DGKI: variants seen among roughly 807,000 people sequenced by gnomAD.
The protein encoded by DGKI is diacylglycerol kinase iota, also known as DAG kinase iota.
Under a neutral mutation model 147.5 loss-of-function variants are expected in DGKI, and 55 were observed. The ratio of observed to expected loss-of-function variants is 0.37; its 90% CI spans 0.30 to 0.47. The LOEUF (loss-of-function observed/expected upper bound fraction) is 0.47. Ranked by LOEUF, DGKI falls within the 20% of genes least tolerant of loss-of-function variation. The pLI is 1.00. For synonymous variants in DGKI, 469 were observed against 477.1 expected (o/e 0.98, Z 0.22); for missense variants, 1,007 against 1,323.8 (o/e 0.76, Z 3.71).
At chr7:137,742,724 G>GA (rs1159384047) in intron 1 of DGKI, among the ~76,000 whole-genome samples, 1 of 148,544 alleles carries the variant, frequency 6.7e-6, no homozygotes, top group Non-Finnish European at 1.5e-5. Context: ...AGCTACCGGG[G>GA]GAAAAAAAAT....
chr7:137,525,592 T>C (rs1406380507), intron 20 of DGKI, among the ~76,000 whole-genome samples: 1 of 152,190 alleles, frequency 6.6e-6, no homozygotes, highest in Non-Finnish European at 1.5e-5. Context: ...CAGGAAACTC[T>C]ATGCTTCATT....
chr7:137,764,620 C>G (rs1482087504), intron 1 of DGKI, among the ~76,000 whole-genome samples: 1 of 152,204 alleles, frequency 6.6e-6, no homozygotes, highest in Non-Finnish European at 1.5e-5. Flanking sequence ...TGACAGTGCT[C>G]TTCGGCAGTA....
At chr7:137,542,394 A>T (rs11978861) in intron 20 of DGKI, among the ~76,000 whole-genome samples, 60,497 of 152,120 alleles carry the variant, frequency 0.4, 15,727 homozygotes, top group Non-Finnish European at 0.58. Context: ...TGGGTAAACA[A>T]GCTAAAACAT....
chr7:137,839,617 A>G (rs539739886), intron 1 of DGKI, among the ~76,000 whole-genome samples: 4 of 152,358 alleles, frequency 2.6e-5, no homozygotes, highest in African/African-American at 9.6e-5. Flanking sequence ...CAGCAGGCAG[A>G]GGTGGCGCTT....
intron 21 of DGKI, among the ~76,000 whole-genome samples, chr7:137,490,346 T>A (rs1815719217): frequency 6.6e-6 from 1 of 152,206 alleles, no homozygotes; most frequent in Admixed American, 6.5e-5. Context: ...ACAGGATTTT[T>A]GTAAAGACTC....
chr7:137,575,043 G>A (rs1039288347), intron 17 of DGKI, among the ~76,000 whole-genome samples: 2 of 152,116 alleles, frequency 1.3e-5, no homozygotes, highest in African/African-American at 2.4e-5. Flanking sequence ...GTATCCTTGT[G>A]TCTCTCTATG....
chr7:137,846,433 T>C lies in DGKI; in HGVS notation c.401+29A>G, dbSNP rs763075697. Reference sequence around the variant, plus strand: ...AGTGGGTCTCCCGCCGCGGCGCACCTGTCTCGGCTGCCGGCTCCCCGCACC... The same window carrying C: ...AGTGGGTCTCCCGCCGCGGCGCACCCGTCTCGGCTGCCGGCTCCCCGCACC... On this transcript the variant is annotated intron_variant, in intron 1 of 32. Transcript: ENST00000614521. The surrounding 1 kb of genome is among the most constrained non-coding windows in gnomAD (Gnocchi z 4.0). 4.6e-6 allele frequency: 7 copies of C among 1,525,222 alleles called. No individual in the cohort carries two copies. The highest frequency in any genetic ancestry group is 3.4e-5 in the South Asian group (3 of 89,256). 94.5% of individuals were successfully genotyped at this position (1,525,222 alleles called of 1,614,324 possible).
At chr7:137,481,824 C>A (rs536628377) in intron 23 of DGKI, among the ~76,000 whole-genome samples, 5 of 152,110 alleles carry the variant, frequency 3.3e-5, no homozygotes, top group African/African-American at 1.2e-4. Flanking sequence ...TCAGCTAAAA[C>A]CCTAGCTGCA....
At chr7:137,731,057 C>A (rs1024104195) in intron 1 of DGKI, among the ~76,000 whole-genome samples, 1 of 152,026 alleles carries the variant, frequency 6.6e-6, no homozygotes, top group Non-Finnish European at 1.5e-5. Context: ...GGCCCTCCTG[C>A]TATTCCTTTT....
At chr7:137,793,546 C>T (rs1396931628) in intron 1 of DGKI, among the ~76,000 whole-genome samples, 1 of 152,112 alleles carries the variant, frequency 6.6e-6, no homozygotes, top group African/African-American at 2.4e-5. Flanking sequence ...GGTGATCCAC[C>T]CGCCTTGGCC....
intron 19 of DGKI, among the ~76,000 whole-genome samples, chr7:137,559,062 CTTTTTTTT>C (rs71177910): frequency 2.4e-5 from 2 of 83,612 alleles, no homozygotes; most frequent in South Asian, 9.7e-4. Flanking sequence ...ACCTACAATT[CTTTTTTTT>C]TTTTTTTTTT....
intron 6 of DGKI, among the ~76,000 whole-genome samples, chr7:137,625,097 C>G (rs956118956): frequency 2.0e-5 from 3 of 152,216 alleles, no homozygotes; most frequent in Non-Finnish European, 4.4e-5. Flanking sequence ...ACCTCCTTCT[C>G]AAAAACCTAA....
At chr7:137,446,825 A>T (rs549137000) in intron 27 of DGKI, among the ~76,000 whole-genome samples, 1 of 152,234 alleles carries the variant, frequency 6.6e-6, no homozygotes, top group African/African-American at 2.4e-5. Flanking sequence ...TATTTTAACA[A>T]CAGAGGTTCA....
intron 6 of DGKI, among the ~76,000 whole-genome samples, chr7:137,627,982 C>A (rs1410678537): frequency 6.6e-6 from 1 of 152,186 alleles, no homozygotes; most frequent in Non-Finnish European, 1.5e-5. Context: ...ATTTAAAACT[C>A]TTTATAACAC....
chr7:137,496,683 A>G (rs114670525), intron 21 of DGKI, among the ~76,000 whole-genome samples: 3,493 of 152,262 alleles, frequency 0.023, 136 homozygotes, highest in African/African-American at 0.079. Flanking sequence ...AAAGTCGATA[A>G]AAACAAGTAA....
intron 21 of DGKI, among the ~76,000 whole-genome samples, chr7:137,494,829 C>T (rs758115532): frequency 4.6e-5 from 7 of 152,144 alleles, no homozygotes; most frequent in South Asian, 2.1e-4. Flanking sequence ...TTAATGCTAA[C>T]TTTGAATGTA....
At chr7:137,602,172 T>C (rs1820013756) in intron 10 of DGKI, among the ~76,000 whole-genome samples, 1 of 152,220 alleles carries the variant, frequency 6.6e-6, no homozygotes, top group Non-Finnish European at 1.5e-5. Context: ...CTTTGTTCAG[T>C]TTTAGATTCC....
intron 1 of DGKI, among the ~76,000 whole-genome samples, chr7:137,770,252 C>T (rs1307201515): frequency 3.3e-5 from 5 of 150,432 alleles, no homozygotes; most frequent in African/African-American, 7.3e-5. Context: ...CTCTCATAAG[C>T]GGGAGTGAAA....
intron 1 of DGKI, among the ~76,000 whole-genome samples, chr7:137,843,170 C>G (rs1316379135): frequency 6.6e-6 from 1 of 151,778 alleles, no homozygotes; most frequent in Non-Finnish European, 1.5e-5. Flanking sequence ...GTGCCTGTTG[C>G]ATAGAAGACA....
Sources: allele counts gnomAD v4.1 joint callset (sites outside exome capture counted in the v4.1 genomes callset), GRCh38; gene constraint gnomAD v4.1.1; non-coding constraint Gnocchi (gnomAD v3.1); transcripts MANE v1.5; gene names NCBI Gene and HGNC (gene_info 2026-07-23, HGNC 2026-07-21).